The following GPATCH2 variants were observed in gnomAD, a reference collection of about 807,000 sequenced individuals.
The protein encoded by GPATCH2 is G patch domain-containing protein 2.
In GPATCH2, 51 loss-of-function variants were observed where a neutral mutation model predicts 58.0. The observed-to-expected ratio is 0.88, with a 90% CI of 0.70 to 1.11. GPATCH2 has a LOEUF of 1.11. Among genes scored for constraint, GPATCH2 ranks in the 50% most tolerant of loss-of-function variants. GPATCH2 has a pLI of 0.00. For missense variants in GPATCH2, 625 were observed against 652.2 expected, an observed-to-expected ratio of 0.96 and a Z score of 0.45; for synonymous variants, 222 against 218.5, an observed-to-expected ratio of 1.02 and a Z score of -0.14.
intron 5 of GPATCH2, among the ~76,000 whole-genome samples, chr1:217,561,854 A>T (rs1455530491): frequency 6.6e-6 from 1 of 152,164 alleles, no homozygotes; most frequent in Non-Finnish European, 1.5e-5. Context: ...TTCTGAACGG[A>T]CCCAAAGGAT....
At chr1:217,482,646 GA>G (rs1661265590) in intron 8 of GPATCH2, among the ~76,000 whole-genome samples, 2 of 152,020 alleles carry the variant, frequency 1.3e-5, no homozygotes, top group South Asian at 4.2e-4. Context: ...AGGCCAAAAA[GA>G]AAAGACTTCA....
intron 5 of GPATCH2, among the ~76,000 whole-genome samples, chr1:217,523,411 A>G (rs9724943): frequency 0.17 from 25,771 of 151,606 alleles, 3,030 homozygotes; most frequent in East Asian, 0.48. Context: ...TCTGTTTAAC[A>G]AGGCACAACT....
Position 217,540,770 on chromosome 1 carries a change from A to T in GPATCH2, c.1099-25881T>A, listed in dbSNP as rs140333759. On this transcript the variant is annotated intron_variant, in intron 5 of 9. Transcript: ENST00000366935. ...GAGGAACCTAGTACACATACATTTG[A>T]AGTAATAGCCCTAGGACTACGTAGC... Among the ~76,000 whole-genome samples the T allele has an allele frequency of 2.0e-5, 3 of 152,338 alleles. No homozygotes were observed. In the East Asian group the frequency reaches 5.8e-4, roughly 29 times the overall value.
intron 7 of GPATCH2, among the ~76,000 whole-genome samples, chr1:217,496,311 G>C (rs967731936): frequency 3.9e-5 from 6 of 152,178 alleles, no homozygotes; most frequent in Non-Finnish European, 8.8e-5. Flanking sequence ...TGTGTAGCCA[G>C]AGTGGTAAAA....
intron 8 of GPATCH2, among the ~76,000 whole-genome samples, chr1:217,450,081 C>T (rs1364290057): frequency 1.3e-5 from 2 of 151,844 alleles, no homozygotes; most frequent in Non-Finnish European, 2.9e-5. Flanking sequence ...AGAAATGGGC[C>T]AGTTAGAAAT....
At chr1:217,584,326 C>A (rs1667220471) in intron 5 of GPATCH2, among the ~76,000 whole-genome samples, 1 of 84,560 alleles carries the variant, frequency 1.2e-5, no homozygotes, top group Non-Finnish European at 2.4e-5. Context: ...AACCTCACCT[C>A]TACTAAAAAA....
intron 5 of GPATCH2, among the ~76,000 whole-genome samples, chr1:217,579,957 T>C (rs1440548846): frequency 2.0e-5 from 3 of 152,202 alleles, no homozygotes; most frequent in Admixed American, 6.5e-5. Flanking sequence ...TATGTGGCTA[T>C]TAAGATACGT....
At chr1:217,526,130 T>C (rs557148609) in intron 5 of GPATCH2, among the ~76,000 whole-genome samples, 6 of 152,214 alleles carry the variant, frequency 3.9e-5, no homozygotes, top group Admixed American at 1.3e-4. Flanking sequence ...GGGGAAAAAA[T>C]TACAGCTGGT....
intron 9 of GPATCH2, among the ~76,000 whole-genome samples, chr1:217,444,596 C>T (rs1659297641): frequency 1.3e-5 from 2 of 152,290 alleles, no homozygotes; most frequent in African/African-American, 4.8e-5. Context: ...TAATGGAAAA[C>T]TGTTTATTAA....
chr1:217,592,858 C>G (rs181066315), intron 5 of GPATCH2, among the ~76,000 whole-genome samples: 2 of 151,970 alleles, frequency 1.3e-5, no homozygotes, highest in East Asian at 1.9e-4. Context: ...ATATCTGAAA[C>G]CTAATTCAAA....
At chr1:217,526,664 A>G (rs1663923365) in intron 5 of GPATCH2, among the ~76,000 whole-genome samples, 1 of 152,188 alleles carries the variant, frequency 6.6e-6, no homozygotes, top group South Asian at 2.1e-4. Context: ...AGACTGTCAT[A>G]TTTTTGAAAT....
At chr1:217,524,206 C>T (rs1420837069) in intron 5 of GPATCH2, among the ~76,000 whole-genome samples, 3 of 65,660 alleles carry the variant, frequency 4.6e-5, no homozygotes, top group East Asian at 9.3e-4. Flanking sequence ...CGGAGGGGCT[C>T]CTCACTTCTC....
At chr1:217,560,328 C>G (rs1665860695) in intron 5 of GPATCH2, among the ~76,000 whole-genome samples, 1 of 152,176 alleles carries the variant, frequency 6.6e-6, no homozygotes, top group African/African-American at 2.4e-5. Flanking sequence ...CAGCTCTGAG[C>G]AAATGGTTTT....
At chr1:217,613,726 T>C (rs1332227681) in intron 3 of GPATCH2, among the ~76,000 whole-genome samples, 1 of 152,130 alleles carries the variant, frequency 6.6e-6, no homozygotes, top group Non-Finnish European at 1.5e-5. Context: ...CTGGATAGAA[T>C]GAATAAATGT....
chr1:217,617,685 C>A (rs77353931), intron 2 of GPATCH2, among the ~76,000 whole-genome samples: 7,293 of 152,124 alleles, frequency 0.048, 562 homozygotes, highest in African/African-American at 0.16. Flanking sequence ...GCAATCTTTG[C>A]ACAGAAGGAA....
intron 5 of GPATCH2, among the ~76,000 whole-genome samples, chr1:217,558,536 C>A (rs139510702): frequency 6.6e-6 from 1 of 152,140 alleles, no homozygotes; most frequent in Non-Finnish European, 1.5e-5. Context: ...CACAAGCCAT[C>A]CTGCCAGCCA....
At chr1:217,593,087 G>C (rs1404908024) in intron 5 of GPATCH2, among the ~76,000 whole-genome samples, 1 of 151,966 alleles carries the variant, frequency 6.6e-6, no homozygotes, top group Non-Finnish European at 1.5e-5. Context: ...TTAAGTTCAA[G>C]TTCAAGGGTA....
intron 9 of GPATCH2, among the ~76,000 whole-genome samples, chr1:217,440,780 C>T (rs1228203629): frequency 1.3e-5 from 2 of 152,114 alleles, no homozygotes; most frequent in Non-Finnish European, 2.9e-5. Flanking sequence ...GAATAAAATA[C>T]TTAGGAATAC....
chr1:217,585,987 A>AT (rs1378452512), intron 5 of GPATCH2, among the ~76,000 whole-genome samples: 1 of 152,178 alleles, frequency 6.6e-6, no homozygotes, highest in East Asian at 1.9e-4. Context: ...CAGAAAATCT[A>AT]TAATAAAAAA....
Sources: gnomAD v4.1 joint callset for allele counts (sites outside exome capture counted in the v4.1 genomes callset) on GRCh38, gnomAD v4.1.1 for gene constraint, MANE v1.5 for transcripts, NCBI Gene and HGNC (gene_info 2026-07-23, HGNC 2026-07-21) for gene names.